Variants in CNTLN observed in about 807,000 individuals in gnomAD.
CNTLN encodes the protein centlein, centrosomal protein.
Under a neutral mutation model 180.0 loss-of-function variants are expected in CNTLN, and 212 were observed. The ratio of observed to expected loss-of-function variants is 1.18; its 90% CI spans 1.05 to 1.32. The LOEUF is 1.32. CNTLN is among the 40% of genes most tolerant of loss of function. The probability of loss-of-function intolerance (pLI) is 0.00; values close to 1 mark genes in which losing one functional copy is unlikely to be tolerated. For missense variants in CNTLN, 2,095 were observed against 1,610.9 expected, an observed-to-expected ratio of 1.30 and a Z score of -5.14; for synonymous variants, 722 against 563.1, an observed-to-expected ratio of 1.28 and a Z score of -3.99.
At chr9:17,301,690 G>C in intron 7 of CNTLN, 1 of 961,780 alleles carries the variant, frequency 1.0e-6, no homozygotes, top group South Asian at 4.8e-5. Flanking sequence ...TCCTCAACTA[G>C]ACTCAATTTG....
intron 5 of CNTLN, among the ~76,000 whole-genome samples, chr9:17,250,862 T>A (rs1826095703): frequency 6.6e-6 from 1 of 152,114 alleles, no homozygotes; most frequent in African/African-American, 2.4e-5. Flanking sequence ...TATTTCTTCA[T>A]ATGGATTTGA....
intron 5 of CNTLN, among the ~76,000 whole-genome samples, chr9:17,249,868 T>C (rs1826036113): frequency 6.7e-6 from 1 of 149,144 alleles, no homozygotes; most frequent in African/African-American, 2.5e-5. Context: ...TGGGATAGAG[T>C]ATTTCGTATA....
intron 6 of CNTLN, among the ~76,000 whole-genome samples, chr9:17,294,104 C>A (rs146179078): frequency 3.5e-4 from 54 of 152,202 alleles, no homozygotes; most frequent in Non-Finnish European, 6.3e-4. Flanking sequence ...TTCGTGGTCT[C>A]GCTGGCTTCA....
chr9:17,218,330 A>C (rs566654564), intron 2 of CNTLN, among the ~76,000 whole-genome samples: 1 of 152,190 alleles, frequency 6.6e-6, no homozygotes, highest in African/African-American at 2.4e-5. Context: ...TTTATTCCAC[A>C]TATTAAAGTT....
intron 18 of CNTLN, among the ~76,000 whole-genome samples, chr9:17,424,948 C>G (rs1229757809): frequency 6.6e-6 from 1 of 152,138 alleles, no homozygotes; most frequent in African/African-American, 2.4e-5. Flanking sequence ...TTGTGGTATT[C>G]TGTTGTAGAA....
the CNTLN span, among the ~76,000 whole-genome samples, chr9:17,520,845 A>C: frequency 6.6e-6 from 1 of 152,118 alleles, no homozygotes; most frequent in African/African-American, 2.4e-5. Flanking sequence ...AGCATCCCCC[A>C]CCCTGCCTTG....
chr9:17,298,187 C>G lies in CNTLN; in HGVS notation c.984-3C>G. The G allele has an allele frequency of 6.8e-7, 1 of 1,463,156 alleles. No individual in the cohort carries two copies. The highest frequency in any genetic ancestry group is 9.1e-7 in the Non-Finnish European group (1 of 1,103,624). The allele number at this position is 1,463,156 out of a possible 1,614,324, so 90.6% of individuals were successfully genotyped here. The stretch of plus-strand genomic sequence containing the variant: ...TTCTCTATTTATTGCTTGCTTTGCA[C>G]AGGAAGGAACTGCAGGAGCTGCAGA... On this transcript the variant is annotated splice_region_variant and splice_polypyrimidine_tract_variant and intron_variant, in intron 6 of 25. Coordinates refer to ENST00000380647, the MANE Select transcript of CNTLN (RefSeq NM_017738.4).
the CNTLN span, among the ~76,000 whole-genome samples, chr9:17,523,734 T>A: frequency 6.6e-6 from 1 of 152,196 alleles, no homozygotes; most frequent in Non-Finnish European, 1.5e-5. Flanking sequence ...CTCTGAGACT[T>A]CTAGAACTTT....
rs77041233 is a variant in CNTLN, at chr9:17,192,909, T to G, written c.450-33294T>G. On this transcript the variant is annotated intron_variant, in intron 2 of 25. Coordinates refer to ENST00000380647, the MANE Select transcript of CNTLN (RefSeq NM_017738.4). ...AGACTGGGAAGAAAAAGCAGTTCAG[T>G]TGGACTTACAGTTCCACATGGCTGG... Among the ~76,000 whole-genome samples, 466 of 152,284 alleles carry G rather than the reference T, an allele frequency of 3.1e-3. 1 individual carries two copies. The highest frequency in any genetic ancestry group is 5.0e-3 in the Non-Finnish European group (343 of 68,022).
intron 20 of CNTLN, 26 bp downstream of exon 20, chr9:17,463,039 T>G: frequency 7.0e-7 from 1 of 1,422,694 alleles, no homozygotes; most frequent in Non-Finnish European, 9.7e-7. Flanking sequence ...TTCTATCCAT[T>G]GTATTTGGTG....
intron 6 of CNTLN, among the ~76,000 whole-genome samples, chr9:17,283,806 C>T (rs966970662): frequency 2.0e-5 from 3 of 151,978 alleles, no homozygotes; most frequent in East Asian, 1.9e-4. Flanking sequence ...TAACATGAAG[C>T]GATGTTGAAT....
intron 2 of CNTLN, among the ~76,000 whole-genome samples, chr9:17,149,278 A>ATG (rs1251112525): frequency 6.6e-6 from 1 of 152,124 alleles, no homozygotes; most frequent in Non-Finnish European, 1.5e-5. Context: ...CAGTGAACAT[A>ATG]TGTGTGCATG....
At chr9:17,403,872 T>A (rs1040071926) in intron 15 of CNTLN, among the ~76,000 whole-genome samples, 2 of 151,570 alleles carry the variant, frequency 1.3e-5, no homozygotes, top group African/African-American at 4.9e-5. Flanking sequence ...GCTTCGCGGG[T>A]TCAAGCGATT....
intron 23 of CNTLN, among the ~76,000 whole-genome samples, chr9:17,480,110 GA>G (rs1162094509): frequency 6.6e-6 from 1 of 152,066 alleles, no homozygotes; most frequent in African/African-American, 2.4e-5. Context: ...ATGATCACTT[GA>G]GCCTAGGAGT....
rs1831723208 is a variant in CNTLN, at chr9:17,465,999, G to A, written c.3550G>A (p.Glu1184Lys). ...LDKKVKTLTE[E>K]CSNKKVSIDS... ...AATGTAGGTAAAGACATTAACTGAA[G>A]AATGTTCCAACAAGAAGGTATCAAT... The change falls in exon 22 of 26, where the codon GAA becomes AAA. Residue 1184 changes from glutamate to lysine, a missense_variant. Glu to Lys is a moderately conservative substitution (Grantham distance 56). Coordinates refer to ENST00000380647, the MANE Select transcript of CNTLN (RefSeq NM_017738.4). 6.2e-7 allele frequency: 1 copy of A among 1,603,246 alleles called. No individual in the cohort carries two copies. Among genetic ancestry groups the A allele is most frequent in the African/African-American group, 1.3e-5 (1 of 74,314 alleles).
chr9:17,416,209 T>G lies in CNTLN; in HGVS notation c.3114+20T>G, dbSNP rs919207100. The G allele has an allele frequency of 1.9e-6, 3 of 1,558,192 alleles. No homozygotes were observed. Among genetic ancestry groups the G allele is most frequent in the East Asian group, 2.2e-5 (1 of 44,494 alleles). On this transcript the variant is annotated intron_variant, in intron 18 of 25. Transcript: ENST00000380647. ...ATAAAGGTAAAGAGAACTTTAAGAT[T>G]GAACAGTAGTATACTATATTGTAAA...
the CNTLN span, among the ~76,000 whole-genome samples, chr9:17,519,099 TA>T: frequency 1.3e-5 from 2 of 152,032 alleles, no homozygotes; most frequent in African/African-American, 4.8e-5. Context: ...TTTATTTATT[TA>T]TTTATTTTTT....
intron 8 of CNTLN, among the ~76,000 whole-genome samples, chr9:17,329,598 T>C (rs1820511798): frequency 6.6e-6 from 1 of 151,946 alleles, no homozygotes; most frequent in Non-Finnish European, 1.5e-5. Context: ...AAATCAAATA[T>C]GGTCCCTCTC....
intron 12 of CNTLN, among the ~76,000 whole-genome samples, chr9:17,363,226 C>G (rs562877471): frequency 2.6e-5 from 4 of 152,312 alleles, no homozygotes; most frequent in African/African-American, 9.6e-5. Context: ...TTATAATCCT[C>G]TGGGTATACC....
Sources: allele counts gnomAD v4.1 joint callset (sites outside exome capture counted in the v4.1 genomes callset), GRCh38; gene constraint gnomAD v4.1.1; transcripts MANE v1.5; gene names NCBI Gene and HGNC (gene_info 2026-07-23, HGNC 2026-07-21).